Variants in REPS1 observed in about 807,000 individuals in gnomAD.
The protein encoded by REPS1 is ralBP1-associated Eps domain-containing protein 1.
Under a neutral mutation model 100.9 loss-of-function variants are expected in REPS1, and 39 were observed. The observed-to-expected ratio is 0.39, with a 90% CI of 0.30 to 0.50. The LOEUF (loss-of-function observed/expected upper bound fraction) is 0.50, where lower values mean the gene tolerates loss of function less well. REPS1 is among the 20% of genes least tolerant of loss of function. The probability of loss-of-function intolerance (pLI) is 0.86; values close to 1 mark genes in which losing one functional copy is unlikely to be tolerated. For missense variants in REPS1, 821 were observed against 968.5 expected, an observed-to-expected ratio of 0.85 and a Z score of 2.02; for synonymous variants, 324 against 340.3, an observed-to-expected ratio of 0.95 and a Z score of 0.53.
At chr6:138,920,906 G>T (rs924044433) in intron 11 of REPS1, 131 bp downstream of exon 11, 2 of 641,922 alleles carry the variant, frequency 3.1e-6, no homozygotes, top group South Asian at 1.9e-5. Context: ...AAATATGCAT[G>T]AACATATACA....
At position 138,988,031 on chromosome 6, in the gene REPS1, G is replaced by A. The variant is rs143077749; in HGVS notation, c.-349C>T. On this transcript the variant is annotated 5_prime_UTR_variant, in exon 1 of 20. Coordinates refer to ENST00000450536, the MANE Select transcript of REPS1 (RefSeq NM_001286611.2). ...GGCACTGGCGGACTCCGCCCCCGCC[G>A]CGGGTTCGAGTCTCCCCGGCTCCCT... 0.043 allele frequency: 17,051 copies of A among 396,814 alleles called. 505 individuals carry two copies. The highest frequency in any genetic ancestry group is 0.059 in the Non-Finnish European group (13,364 of 224,904). The allele number at this position is 396,814 out of a possible 1,614,324, so 24.6% of individuals were successfully genotyped here. A position where few individuals can be genotyped will look rare whatever the true frequency, so the allele number is the denominator to read the frequency against.
intron 1 of REPS1, among the ~76,000 whole-genome samples, chr6:138,986,525 G>A (rs1380127491): frequency 6.6e-6 from 1 of 152,198 alleles, no homozygotes; most frequent in Non-Finnish European, 1.5e-5. Flanking sequence ...GCAGAGTAGG[G>A]TCAAGGACCC....
rs755518526 is a variant in REPS1, at chr6:138,921,567, C to CTTTTTTTT, written c.1339-451_1339-444dup. Among the ~76,000 whole-genome samples, 3 of 57,644 alleles carry CTTTTTTTT rather than the reference C, an allele frequency of 5.2e-5. 1 individual carries two copies. The highest frequency in any genetic ancestry group is 1.4e-4 in the African/African-American group (2 of 14,436). The allele number at this position is 57,644 out of a possible 152,430, so 37.8% of individuals were successfully genotyped here. A position where few individuals can be genotyped will look rare whatever the true frequency, so the allele number is the denominator to read the frequency against. On this transcript the variant is annotated intron_variant, in intron 10 of 19. Transcript: ENST00000450536. ...TCGGGGATGCTTAGGTAGGAGGATC[C>CTTTTTTTT]TTTTTTTTTTTTTTTTTTTTTTTTT...
rs372389903 is a variant in REPS1 at position 138,985,133 on chromosome 6, G to A, written c.153+2397C>T. Among the ~76,000 whole-genome samples the A allele has an allele frequency of 5.9e-5, 9 of 152,008 alleles. 1 individual carries two copies. The highest frequency in any genetic ancestry group is 5.8e-4 in the East Asian group (3 of 5,182). On this transcript the variant is annotated intron_variant, in intron 1 of 19. Transcript: ENST00000450536. ...TTCTAATTTTATATTCTGTTATCCC[G>A]AAAACACTAGTCCTTGAAAAGGCTC...
Position 138,943,918 on chromosome 6 carries a change from TC to T in REPS1, c.850del (p.Glu284AsnfsTer7). 1 of 1,613,734 alleles carries T rather than the reference TC, an allele frequency of 6.2e-7. No homozygotes were observed. Among genetic ancestry groups the T allele is most frequent in the Non-Finnish European group, 8.5e-7 (1 of 1,179,708 alleles). ...SYDDPWKITD[E>X]QRQYYVNQFK... ...CTGATTTACATAATACTGTCTTTGT[TC>T]ATCTGTTATTTTCCAGGGATCATCA... On this transcript the variant is annotated frameshift_variant, in exon 6 of 20. Transcript: ENST00000450536. LOFTEE classifies it high-confidence loss of function.
At chr6:138,964,593 T>A (rs1783912818) in intron 1 of REPS1, among the ~76,000 whole-genome samples, 1 of 152,022 alleles carries the variant, frequency 6.6e-6, no homozygotes, top group African/African-American at 2.4e-5. Flanking sequence ...TTTCAAAATA[T>A]GTTGTATAAT....
At chr6:138,979,354 GAAAC>G (rs945902009) in intron 1 of REPS1, among the ~76,000 whole-genome samples, 2 of 151,924 alleles carry the variant, frequency 1.3e-5, no homozygotes, top group African/African-American at 2.4e-5. Context: ...CACTCAAAAA[GAAAC>G]AAACAAAAAG....
intron 1 of REPS1, among the ~76,000 whole-genome samples, chr6:138,967,038 G>A (rs1172265571): frequency 1.3e-5 from 2 of 152,204 alleles, no homozygotes; most frequent in Non-Finnish European, 2.9e-5. Flanking sequence ...CAAGGGCCCT[G>A]CCTTCGTGAA....
chr6:138,914,656 T>C, intron 15 of REPS1, 41 bp downstream of exon 15: 1 of 1,492,486 alleles, frequency 6.7e-7, no homozygotes, highest in Non-Finnish European at 9.4e-7. Context: ...GCAGGCAAAG[T>C]GATCATGGGA....
At position 138,915,879 on chromosome 6, in the gene REPS1, G is replaced by T; in HGVS notation, c.1699C>A (p.Arg567=). The T allele has an allele frequency of 6.2e-7, 1 of 1,611,648 alleles. No individual in the cohort carries two copies. The highest frequency in any genetic ancestry group is 8.5e-7 in the Non-Finnish European group (1 of 1,177,782). The part of the protein sequence containing the change: ...HSRSSSLDMN[R]TFTVTTGQQQ... ...CTACCTGTGGTGACTGTAAAGGTCC[G>T]ATTCATATCTAAAGATGATGATCTA... The change falls in exon 14 of 20, where the codon CGG becomes AGG. Residue 567 remains arginine, a synonymous_variant. Coordinates refer to ENST00000450536, the MANE Select transcript of REPS1 (RefSeq NM_001286611.2).
intron 11 of REPS1, among the ~76,000 whole-genome samples, chr6:138,920,642 C>T (rs184828839): frequency 1.3e-5 from 2 of 152,280 alleles, no homozygotes; most frequent in African/African-American, 4.8e-5. Flanking sequence ...CAAAAAAAAT[C>T]TACCTTTGAG....
intron 1 of REPS1, among the ~76,000 whole-genome samples, chr6:138,971,972 C>A (rs12175880): frequency 0.18 from 28,119 of 152,122 alleles, 2,790 homozygotes; most frequent in East Asian, 0.33. Flanking sequence ...TTTTGCTGTT[C>A]TGCACATCAA....
chr6:138,919,186 T>C (rs1780595148), intron 12 of REPS1, among the ~76,000 whole-genome samples: 1 of 152,152 alleles, frequency 6.6e-6, no homozygotes, highest in Non-Finnish European at 1.5e-5. Flanking sequence ...CTTTCTCTCT[T>C]ACATCCTATA....
chr6:138,979,636 T>C (rs914626291), intron 1 of REPS1, among the ~76,000 whole-genome samples: 1 of 152,162 alleles, frequency 6.6e-6, no homozygotes, highest in African/African-American at 2.4e-5. Flanking sequence ...TACAGCTGAC[T>C]ACCCACCCCC....
At chr6:138,935,055 A>C (rs1056461425) in intron 8 of REPS1, among the ~76,000 whole-genome samples, 115 of 152,226 alleles carry the variant, frequency 7.6e-4, no homozygotes, top group Non-Finnish European at 1.1e-3. Context: ...TGCATCAAAA[A>C]ACTAGTAAGT....
chr6:138,980,972 A>C (rs545142865), intron 1 of REPS1, among the ~76,000 whole-genome samples: 1 of 152,302 alleles, frequency 6.6e-6, no homozygotes, highest in Non-Finnish European at 1.5e-5. Flanking sequence ...AAGTATTTAA[A>C]ACTGATTTAA....
At chr6:138,938,345 G>A (rs548745973) in intron 8 of REPS1, among the ~76,000 whole-genome samples, 2 of 152,288 alleles carry the variant, frequency 1.3e-5, no homozygotes, top group African/African-American at 4.8e-5. Context: ...TAACTCAAAT[G>A]ACCACTGCTC....
intron 19 of REPS1, 129 bp downstream of exon 19, chr6:138,907,366 T>A: frequency 2.2e-4 from 97 of 433,340 alleles, no homozygotes; most frequent in Non-Finnish European, 3.3e-4. Context: ...CTAACCACAG[T>A]CAAAGCATCT....
At chr6:138,941,187 C>T in intron 8 of REPS1, 148 bp downstream of exon 8, 1 of 804,468 alleles carries the variant, frequency 1.2e-6, no homozygotes, top group East Asian at 2.5e-5. Flanking sequence ...TTGGCCCATA[C>T]ATCCTATTCT....
Sources: allele counts gnomAD v4.1 joint callset (sites outside exome capture counted in the v4.1 genomes callset), GRCh38; gene constraint gnomAD v4.1.1; transcripts MANE v1.5; gene names NCBI Gene and HGNC (gene_info 2026-07-23, HGNC 2026-07-21).